Variants in ABCC8 observed in about 807,000 individuals in gnomAD.
ABCC8 encodes ATP binding cassette subfamily C member 8.
Under a neutral mutation model 188.0 loss-of-function variants are expected in ABCC8, and 137 were observed. That is an observed-to-expected ratio of 0.73 (90% CI 0.63 to 0.84). The LOEUF (loss-of-function observed/expected upper bound fraction) is 0.84, where lower values mean the gene tolerates loss of function less well. ABCC8 is among the 40% of genes least tolerant of loss of function. The pLI is 0.00. For missense variants in ABCC8, 1,750 were observed against 2,072.7 expected (o/e 0.84, Z 3.02); for synonymous variants, 797 against 846.5 (o/e 0.94, Z 1.01).
chr11:17,469,523 C>A (rs1030154587), intron 3 of ABCC8, among the ~76,000 whole-genome samples: 1 of 152,022 alleles, frequency 6.6e-6, no homozygotes, highest in Non-Finnish European at 1.5e-5. Context: ...ACTCGATATG[C>A]CCCCAGTAGA....
In ABCC8 at chr11:17,407,045, T is replaced by C. The variant is rs778730235; in HGVS notation, c.3005A>G (p.Lys1002Arg). The change falls in exon 25 of 39, where the codon AAG (lysine) becomes AGG (arginine). Residue 1002 changes from lysine to arginine, a missense_variant. By Grantham distance (26) the Lys-to-Arg change is conservative. Transcript: ENST00000389817. ...CAGGATGCCGGCGGAGGACAGGTACTTGGCGCAGGCTCGCCATGGGATCTC... is the reference window on the plus strand; with the variant it reads ...CAGGATGCCGGCGGAGGACAGGTACCTGGCGCAGGCTCGCCATGGGATCTC... ...RAEIPWRACAKYLSSAGILLL... is the reference protein window; with the variant it reads ...RAEIPWRACARYLSSAGILLL... 6 of 1,614,036 alleles carry C rather than the reference T, an allele frequency of 3.7e-6. No homozygotes were observed. Among genetic ancestry groups the C allele is most frequent in the Non-Finnish European group, 8.5e-7 (1 of 1,180,048 alleles).
rs559342971 is a variant in ABCC8, at chr11:17,410,450, T to C, written c.2694+66A>G. 11 of 1,565,158 alleles carry C rather than the reference T, an allele frequency of 7.0e-6. No individual in the cohort carries two copies. In the East Asian group the frequency reaches 2.5e-4, roughly 35 times the overall value. On this transcript the variant is annotated intron_variant, in intron 22 of 38. Coordinates refer to ENST00000389817, the MANE Select transcript of ABCC8 (RefSeq NM_000352.6). Reference sequence around the variant, plus strand: ...GCTACCAAGACAACGGATTGGTTCCTGCCAAGATGCCTGACAGCCTCCCCA... The same window carrying C: ...GCTACCAAGACAACGGATTGGTTCCCGCCAAGATGCCTGACAGCCTCCCCA...
chr11:17,396,765 C>T (rs1461931671), intron 33 of ABCC8, 151 bp downstream of exon 33: 3 of 984,848 alleles, frequency 3.0e-6, no homozygotes, highest in African/African-American at 1.6e-5. Context: ...TGGGCCCCCA[C>T]AGGCCCAGGG....
At chr11:17,423,301 G>C (rs776291452) in intron 16 of ABCC8, among the ~76,000 whole-genome samples, 79 of 140,874 alleles carry the variant, frequency 5.6e-4, no homozygotes, top group South Asian at 1.4e-3. Context: ...AGCTTGTGAG[G>C]AGCTGAGATC....
intron 16 of ABCC8, among the ~76,000 whole-genome samples, chr11:17,421,602 G>A (rs530131848): frequency 2.0e-5 from 3 of 152,178 alleles, no homozygotes; most frequent in African/African-American, 4.8e-5. Flanking sequence ...GGTGAATTTT[G>A]TTCCTGGCAA....
At chr11:17,450,260 CTCTT>C (rs58452277) in intron 7 of ABCC8, among the ~76,000 whole-genome samples, 4,988 of 66,908 alleles carry the variant, frequency 0.075, 153 homozygotes, top group East Asian at 0.12. Context: ...TTCTTTCTTT[CTCTT>C]TCTTTCTTTC....
In ABCC8 at chr11:17,420,379, G is replaced by A. The variant is rs1198783634; in HGVS notation, c.2223-3417C>T. 2.6e-5 allele frequency among the ~76,000 whole-genome samples: 4 copies of A among 152,288 alleles called. No homozygotes were observed. In the East Asian group the frequency reaches 7.7e-4, roughly 29 times the overall value. Reference sequence around the variant, plus strand: ...ACAGAGCTAGCAAGTGGCAGCATCAGGACTACAGCCAGGGGCCATCTGGTT... The same window carrying A: ...ACAGAGCTAGCAAGTGGCAGCATCAAGACTACAGCCAGGGGCCATCTGGTT... On this transcript the variant is annotated intron_variant, in intron 16 of 38. Coordinates refer to ENST00000389817, the MANE Select transcript of ABCC8 (RefSeq NM_000352.6).
intron 6 of ABCC8, among the ~76,000 whole-genome samples, chr11:17,459,435 A>AT (rs1957107325): frequency 6.6e-6 from 1 of 152,224 alleles, no homozygotes; most frequent in Non-Finnish European, 1.5e-5. Flanking sequence ...AACGTATCTC[A>AT]TATCTGTGGC....
At position 17,395,173 on chromosome 11, in the gene ABCC8, G is replaced by A. The variant is rs369810811; in HGVS notation, c.4410C>T (p.Leu1470=). ...AGCTGCATAGCCAGGAGTAGTTACCGAGGCCTCCTGGCAGTGCCTTCACCA... is the reference window on the plus strand; with the variant it reads ...AGCTGCATAGCCAGGAGTAGTTACCAAGGCCTCCTGGCAGTGCCTTCACCA... ...KLVVKALPGG[L]DAIITEGGEN... is the part of the protein sequence containing the mutation. The change falls in exon 36 of 39, where the codon CTC becomes CTT. Residue 1470 remains leucine, a splice_region_variant and synonymous_variant. Coordinates refer to ENST00000389817, the MANE Select transcript of ABCC8 (RefSeq NM_000352.6). 2.5e-5 allele frequency: 39 copies of A among 1,571,224 alleles called. No homozygotes were observed. The East Asian group carries it at 4.9e-4, about 20-fold the overall frequency.
At chr11:17,405,471 T>C (rs745361991) in intron 27 of ABCC8, 23 bp downstream of exon 27, 1 of 1,613,970 alleles carries the variant, frequency 6.2e-7, no homozygotes, top group Non-Finnish European at 8.5e-7. Context: ...GAAGGGGGGA[T>C]AGTGTGGCAC....
intron 7 of ABCC8, among the ~76,000 whole-genome samples, chr11:17,452,851 C>T (rs781422628): frequency 1.3e-5 from 2 of 152,188 alleles, no homozygotes; most frequent in African/African-American, 2.4e-5. Flanking sequence ...CACTTTCAAG[C>T]CAAGGGCTGA....
intron 23 of ABCC8, 148 bp downstream of exon 23, chr11:17,408,243 TG>T: frequency 1.3e-6 from 1 of 740,778 alleles, no homozygotes; most frequent in Non-Finnish European, 2.2e-6. Context: ...GTCTCTCCTC[TG>T]GTAGGAGCCA....
intron 16 of ABCC8, among the ~76,000 whole-genome samples, chr11:17,421,876 C>T (rs1955360645): frequency 1.3e-5 from 2 of 152,324 alleles, no homozygotes; most frequent in African/African-American, 4.8e-5. Flanking sequence ...CATTCTACAC[C>T]TCCTAATCCC....
intron 36 of ABCC8, among the ~76,000 whole-genome samples, chr11:17,394,790 T>G (rs891750756): frequency 1.3e-5 from 2 of 152,112 alleles, no homozygotes; most frequent in Admixed American, 1.3e-4. Flanking sequence ...CCGGTGGCCT[T>G]GATGAGTGAC....
intron 16 of ABCC8, among the ~76,000 whole-genome samples, chr11:17,418,800 G>A (rs563981546): frequency 1.3e-5 from 2 of 152,312 alleles, no homozygotes; most frequent in South Asian, 2.1e-4. Context: ...TTTTAAGGCA[G>A]GAAGAACATC....
chr11:17,476,687 C>T lies in ABCC8; in HGVS notation c.90G>A (p.Ala30=), dbSNP rs377209579. Residue 30 remains alanine, a synonymous_variant, in exon 1 of 39, where the codon GCG becomes GCA. Coordinates refer to ENST00000389817, the MANE Select transcript of ABCC8 (RefSeq NM_000352.6). ...GGAAGACGTGCGGCACCACGTTGAG[C>T]GCGTCCACAAAGCAGCCGTTGTTGA... ...GVLNNGCFVD[A]LNVVPHVFLL... is the part of the protein sequence containing the mutation. 42 of 1,611,650 alleles carry T rather than the reference C, an allele frequency of 2.6e-5. No homozygotes were observed. The highest frequency in any genetic ancestry group is 3.4e-5 in the Non-Finnish European group (40 of 1,179,244).
intron 3 of ABCC8, among the ~76,000 whole-genome samples, chr11:17,466,307 G>A (rs1253282841): frequency 1.3e-5 from 2 of 149,798 alleles, no homozygotes; most frequent in African/African-American, 5.0e-5. Context: ...GCTGAGGCAG[G>A]AGAATCGCTT....
chr11:17,419,825 G>A (rs1955252820), intron 16 of ABCC8, among the ~76,000 whole-genome samples: 1 of 152,220 alleles, frequency 6.6e-6, no homozygotes. Context: ...TATGGGCTCT[G>A]ACATTTGAAT....
At chr11:17,461,161 G>T in intron 5 of ABCC8, 1 of 338,538 alleles carries the variant, frequency 3.0e-6, no homozygotes, top group Non-Finnish European at 5.6e-6. Context: ...GATATGGGGA[G>T]ATTCCTGTCT....
Sources: gnomAD v4.1 joint callset for allele counts (sites outside exome capture counted in the v4.1 genomes callset) on GRCh38, gnomAD v4.1.1 for gene constraint, MANE v1.5 for transcripts, NCBI Gene and HGNC (gene_info 2026-07-23, HGNC 2026-07-21) for gene names.